Variants in SPAG16 observed in about 807,000 individuals in gnomAD.
SPAG16 encodes the protein sperm associated antigen 16.
In SPAG16, 86 loss-of-function variants were observed where a neutral mutation model predicts 80.4. That is an observed-to-expected ratio of 1.07 (90% confidence interval 0.90 to 1.28). SPAG16 has a LOEUF of 1.28. Among genes scored for constraint, SPAG16 ranks in the 50% most tolerant of loss-of-function variants. The pLI is 0.00. For synonymous variants in SPAG16, 294 were observed against 265.9 expected (o/e 1.11, Z -1.03); for missense variants, 870 against 765.3 (o/e 1.14, Z -1.61).
At chr2:213,869,297 A>ATATATATT (rs1419833513) in intron 11 of SPAG16, among the ~76,000 whole-genome samples, 2 of 124,884 alleles carry the variant, frequency 1.6e-5, no homozygotes, top group African/African-American at 2.8e-5. Context: ...ATATATGTAT[A>ATATATATT]TATATATATA....
chr2:213,464,892 A>G (rs901787545), intron 9 of SPAG16, among the ~76,000 whole-genome samples: 4 of 152,208 alleles, frequency 2.6e-5, no homozygotes, highest in African/African-American at 9.6e-5. Flanking sequence ...TGAAAGGTAT[A>G]TCCTTGAGAG....
intron 10 of SPAG16, among the ~76,000 whole-genome samples, chr2:213,769,056 G>A (rs748907755): frequency 3.9e-5 from 6 of 152,134 alleles, no homozygotes; most frequent in Non-Finnish European, 8.8e-5. Context: ...AGGTCAGGTA[G>A]GAAAAGGATG....
At chr2:214,071,951 G>A (rs1347773514) in intron 13 of SPAG16, among the ~76,000 whole-genome samples, 1 of 152,054 alleles carries the variant, frequency 6.6e-6, no homozygotes, top group Non-Finnish European at 1.5e-5. Flanking sequence ...TTAAAAATTA[G>A]TGAAATTTCT....
chr2:213,547,172 T>C (rs919057477), intron 10 of SPAG16, among the ~76,000 whole-genome samples: 3 of 152,112 alleles, frequency 2.0e-5, no homozygotes, highest in Non-Finnish European at 2.9e-5. Flanking sequence ...TAATATATCA[T>C]TGATATAGTT....
At chr2:214,101,107 G>GT (rs34027430) in intron 13 of SPAG16, among the ~76,000 whole-genome samples, 4 of 151,382 alleles carry the variant, frequency 2.6e-5, no homozygotes, top group African/African-American at 7.3e-5. Context: ...AGTTTTAAAG[G>GT]TTTTTTTGTC....
chr2:214,170,970 T>C (rs1460495763), intron 15 of SPAG16, among the ~76,000 whole-genome samples: 1 of 152,066 alleles, frequency 6.6e-6, no homozygotes, highest in Non-Finnish European at 1.5e-5. Flanking sequence ...TCCAGGATTC[T>C]GGGCAGGCTG....
At chr2:213,672,783 A>G (rs894504221) in intron 10 of SPAG16, among the ~76,000 whole-genome samples, 1 of 151,146 alleles carries the variant, frequency 6.6e-6, no homozygotes. Context: ...GGATATTCCT[A>G]TCCTAGGAAT....
chr2:213,549,756 A>G (rs988252685), intron 10 of SPAG16, among the ~76,000 whole-genome samples: 2 of 152,196 alleles, frequency 1.3e-5, no homozygotes, highest in African/African-American at 4.8e-5. Flanking sequence ...AATATGCATT[A>G]AAAACAAAAT....
chr2:214,026,805 G>A (rs2048152833), intron 13 of SPAG16, among the ~76,000 whole-genome samples: 1 of 151,404 alleles, frequency 6.6e-6, no homozygotes, highest in South Asian at 2.1e-4. Flanking sequence ...AGAAGTTAGA[G>A]CCCTTAAACA....
At chr2:214,024,165 A>C (rs1260075525) in intron 13 of SPAG16, among the ~76,000 whole-genome samples, 1 of 151,584 alleles carries the variant, frequency 6.6e-6, no homozygotes, top group African/African-American at 2.4e-5. Flanking sequence ...TTTTATGCTG[A>C]ATTTTCTGAT....
intron 10 of SPAG16, among the ~76,000 whole-genome samples, chr2:213,793,247 T>A (rs1237648254): frequency 6.6e-6 from 1 of 151,750 alleles, no homozygotes; most frequent in African/African-American, 2.4e-5. Context: ...TTTCATTGAG[T>A]TTTTCTCCTT....
At chr2:213,747,430 C>T (rs1241092832) in intron 10 of SPAG16, among the ~76,000 whole-genome samples, 2 of 152,134 alleles carry the variant, frequency 1.3e-5, no homozygotes, top group Non-Finnish European at 2.9e-5. Flanking sequence ...ACACTAGCGT[C>T]CTAGGCCTTC....
intron 13 of SPAG16, among the ~76,000 whole-genome samples, chr2:214,101,727 T>G (rs1298339524): frequency 6.6e-6 from 1 of 152,150 alleles, no homozygotes; most frequent in Non-Finnish European, 1.5e-5. Flanking sequence ...CTGCCACTTT[T>G]TATTTGTGGG....
chr2:213,410,474 GC>G (rs2068903007), intron 9 of SPAG16, among the ~76,000 whole-genome samples: 1 of 152,144 alleles, frequency 6.6e-6, no homozygotes, highest in Admixed American at 6.5e-5. Context: ...CAGGAGTCTT[GC>G]CCCCGATGTA....
intron 9 of SPAG16, among the ~76,000 whole-genome samples, chr2:213,480,901 T>C (rs548667413): frequency 6.6e-6 from 1 of 152,194 alleles, no homozygotes; most frequent in Non-Finnish European, 1.5e-5. Context: ...ATTGAATAAC[T>C]TAGAAATAAT....
chr2:213,577,280 G>T (rs1455275088), intron 10 of SPAG16, among the ~76,000 whole-genome samples: 1 of 152,028 alleles, frequency 6.6e-6, no homozygotes, highest in Non-Finnish European at 1.5e-5. Flanking sequence ...AAATAGCTCT[G>T]CCTGACTTGA....
chr2:213,405,735 C>G (rs985453212), intron 9 of SPAG16, among the ~76,000 whole-genome samples: 2 of 152,132 alleles, frequency 1.3e-5, no homozygotes, highest in African/African-American at 4.8e-5. Flanking sequence ...GATATTTGTC[C>G]TTTTGTGCCT....
chr2:213,714,283 C>T (rs1028460954), intron 10 of SPAG16, among the ~76,000 whole-genome samples: 1 of 152,142 alleles, frequency 6.6e-6, no homozygotes, highest in Admixed American at 6.5e-5. Flanking sequence ...GTGGTGTCTG[C>T]CAAAAACTCT....
chr2:213,866,950 G>T (rs572524735), intron 11 of SPAG16, among the ~76,000 whole-genome samples: 1 of 152,160 alleles, frequency 6.6e-6, no homozygotes, highest in East Asian at 1.9e-4. Flanking sequence ...ATATAATGCA[G>T]ACTATACAAA....
Sources: gnomAD v4.1 joint callset for allele counts (sites outside exome capture counted in the v4.1 genomes callset) on GRCh38, gnomAD v4.1.1 for gene constraint, MANE v1.5 for transcripts, NCBI Gene and HGNC (gene_info 2026-07-23, HGNC 2026-07-21) for gene names.